RORA: variants seen among roughly 807,000 people sequenced by gnomAD.
The protein encoded by RORA is nuclear receptor ROR-alpha.
RORA carries 7 observed loss-of-function variants against 69.5 expected under a neutral mutation model. The ratio of observed to expected loss-of-function variants is 0.10; its 90% CI spans 0.06 to 0.19. The LOEUF (loss-of-function observed/expected upper bound fraction) is 0.19, where lower values mean the gene tolerates loss of function less well. Among genes scored for constraint, RORA ranks in the 10% least tolerant of loss-of-function variants. RORA has a pLI of 1.00. For synonymous variants in RORA, 261 were observed against 240.8 expected (o/e 1.08, Z -0.78); for missense variants, 457 against 663.0 (o/e 0.69, Z 3.41).
chr15:60,607,553 C>A (rs912648492), intron 2 of RORA, among the ~76,000 whole-genome samples: 1 of 152,144 alleles, frequency 6.6e-6, no homozygotes, highest in Non-Finnish European at 1.5e-5. Context: ...CTGAAGCATA[C>A]TGGAAAAATA....
intron 2 of RORA, among the ~76,000 whole-genome samples, chr15:60,663,030 C>T (rs1174372381): frequency 6.6e-6 from 1 of 152,206 alleles, no homozygotes; most frequent in Non-Finnish European, 1.5e-5. Flanking sequence ...GATGCAGCCC[C>T]CTTGCTTCAA....
intron 8 of RORA, among the ~76,000 whole-genome samples, chr15:60,502,407 C>G (rs1313038070): frequency 6.6e-6 from 1 of 152,092 alleles, no homozygotes; most frequent in Non-Finnish European, 1.5e-5. Context: ...AGCTTTTGCC[C>G]TTTGCTTAAT....
chr15:61,161,983 A>G (rs965561465), intron 1 of RORA, among the ~76,000 whole-genome samples: 1 of 152,256 alleles, frequency 6.6e-6, no homozygotes, highest in Non-Finnish European at 1.5e-5. Context: ...TATTTGATGC[A>G]AAAGGCAGAA....
intron 1 of RORA, among the ~76,000 whole-genome samples, chr15:61,032,076 C>T: frequency 6.6e-6 from 1 of 152,178 alleles, no homozygotes; most frequent in South Asian, 2.1e-4. Context: ...TGCACGTAAG[C>T]ATGTATGTCA....
At chr15:60,798,611 A>C (rs1305141329) in intron 1 of RORA, among the ~76,000 whole-genome samples, 1 of 151,878 alleles carries the variant, frequency 6.6e-6, no homozygotes, top group Non-Finnish European at 1.5e-5. Context: ...GAAGTCACCA[A>C]AAAAATGGCA....
chr15:61,197,800 C>T (rs2079858881), intron 1 of RORA, among the ~76,000 whole-genome samples: 1 of 152,198 alleles, frequency 6.6e-6, no homozygotes, highest in African/African-American at 2.4e-5. Context: ...GAGGTTCCCA[C>T]TTCTCAGGTG....
chr15:60,776,652 A>T (rs1255152116), intron 1 of RORA, among the ~76,000 whole-genome samples: 2 of 152,194 alleles, frequency 1.3e-5, no homozygotes, highest in East Asian at 3.8e-4. Flanking sequence ...TGTAAAAGGT[A>T]AAGACAAGGT....
intron 1 of RORA, among the ~76,000 whole-genome samples, chr15:61,194,675 T>A (rs2079831543): frequency 6.6e-6 from 1 of 152,168 alleles, no homozygotes; most frequent in Admixed American, 6.5e-5. Context: ...GAATGCAACA[T>A]TGTACATTTC....
At chr15:60,567,391 TA>T (rs1206594174) in intron 2 of RORA, among the ~76,000 whole-genome samples, 1 of 150,200 alleles carries the variant, frequency 6.7e-6, no homozygotes, top group Non-Finnish European at 1.5e-5. Context: ...CCTCTTTTAT[TA>T]TCATTATTAT....
chr15:60,790,403 T>G (rs1210502253), intron 1 of RORA, among the ~76,000 whole-genome samples: 1 of 152,156 alleles, frequency 6.6e-6, no homozygotes, highest in Non-Finnish European at 1.5e-5. Context: ...GAGAATTAAT[T>G]GGGTGAGCGC....
chr15:60,814,014 T>C (rs1243796609), intron 1 of RORA, among the ~76,000 whole-genome samples: 1 of 152,190 alleles, frequency 6.6e-6, no homozygotes, highest in African/African-American at 2.4e-5. Context: ...TAAAAAGGCA[T>C]ACTACATATC....
chr15:60,555,895 C>T (rs2067344246), intron 2 of RORA, among the ~76,000 whole-genome samples: 1 of 152,160 alleles, frequency 6.6e-6, no homozygotes, highest in African/African-American at 2.4e-5. Context: ...CCCACTCCTT[C>T]TTGCCTGGAA....
At chr15:61,204,510 G>GGGAA (rs2079922215) in intron 1 of RORA, among the ~76,000 whole-genome samples, 1 of 152,200 alleles carries the variant, frequency 6.6e-6, no homozygotes, top group Admixed American at 6.5e-5. Context: ...ATGTGAGTAG[G>GGGAA]GGAAGGACAG....
At chr15:60,539,104 G>T (rs1169844371) in intron 2 of RORA, among the ~76,000 whole-genome samples, 2 of 151,722 alleles carry the variant, frequency 1.3e-5, no homozygotes, top group African/African-American at 4.8e-5. Flanking sequence ...GAACTTTGAC[G>T]ATTTTTCTTC....
intron 1 of RORA, among the ~76,000 whole-genome samples, chr15:61,058,401 A>C (rs1219365786): frequency 6.6e-6 from 1 of 152,166 alleles, no homozygotes; most frequent in Non-Finnish European, 1.5e-5. Context: ...GGGAACATTA[A>C]TCTTACTACA....
At chr15:60,874,933 T>C (rs2140439685) in intron 1 of RORA, among the ~76,000 whole-genome samples, 2 of 152,320 alleles carry the variant, frequency 1.3e-5, no homozygotes, top group Middle Eastern at 6.8e-3. Context: ...ACTCTTAGGA[T>C]AATCCAGGTA....
chr15:60,590,200 T>TCTCTCTCTCTCTC (rs1555434789), intron 2 of RORA, among the ~76,000 whole-genome samples: 3 of 151,638 alleles, frequency 2.0e-5, no homozygotes, highest in African/African-American at 7.3e-5. Context: ...TCTCTCTCTC[T>TCTCTCTCTCTCTC]TTCAGGCAGC....
intron 1 of RORA, among the ~76,000 whole-genome samples, chr15:61,112,912 T>A (rs2079019985): frequency 6.6e-6 from 1 of 152,202 alleles, no homozygotes. Context: ...TGGGCCTGAG[T>A]CAGGCTTGTC....
chr15:60,596,712 G>T (rs1345927394), intron 2 of RORA, among the ~76,000 whole-genome samples: 1 of 152,138 alleles, frequency 6.6e-6, no homozygotes, highest in Non-Finnish European at 1.5e-5. Flanking sequence ...TGAGTATAAA[G>T]GGGGACGGGA....
Sources: allele counts gnomAD v4.1 joint callset (sites outside exome capture counted in the v4.1 genomes callset), GRCh38; gene constraint gnomAD v4.1.1; transcripts MANE v1.5; gene names NCBI Gene and HGNC (gene_info 2026-07-23, HGNC 2026-07-21).